ABCA13: variants seen among roughly 807,000 people sequenced by gnomAD.
ABCA13 encodes the protein ATP binding cassette subfamily A member 13.
In ABCA13, 476 loss-of-function variants were observed where a neutral mutation model predicts 478.7. The observed-to-expected ratio is 0.99, with a 90% confidence interval of 0.92 to 1.07. ABCA13 has a LOEUF of 1.07. Among genes scored for constraint, ABCA13 ranks in the 50% least tolerant of loss-of-function variants. The pLI, the probability that ABCA13 is intolerant of heterozygous loss-of-function variation, is 0.00. For missense variants in ABCA13, 6,060 were observed against 5,910.6 expected (o/e 1.03, Z -0.83); for synonymous variants, 2,252 against 2,158.9 (o/e 1.04, Z -1.20).
At chr7:48,230,748 C>T (rs1348845224) in intron 7 of ABCA13, among the ~76,000 whole-genome samples, 1 of 146,412 alleles carries the variant, frequency 6.8e-6, no homozygotes, top group African/African-American at 2.4e-5. Context: ...TCCATCCATC[C>T]GTCCATCCAT....
intron 43 of ABCA13, among the ~76,000 whole-genome samples, chr7:48,456,911 T>C (rs1357300233): frequency 3.3e-5 from 5 of 152,140 alleles, no homozygotes; most frequent in African/African-American, 1.2e-4. Flanking sequence ...CTATTAGAAT[T>C]TTGGGGGGCA....
chr7:48,530,316 G>GTA (rs1310480114), intron 55 of ABCA13, among the ~76,000 whole-genome samples: 1 of 150,678 alleles, frequency 6.6e-6, no homozygotes, highest in East Asian at 1.9e-4. Context: ...GTATATATAT[G>GTA]TATATATATA....
intron 46 of ABCA13, among the ~76,000 whole-genome samples, chr7:48,482,387 T>A (rs966173644): frequency 3.6e-5 from 2 of 55,982 alleles, no homozygotes; most frequent in Non-Finnish European, 8.0e-5. Flanking sequence ...ATTAAGAAAT[T>A]TTTTTTTTTT....
chr7:48,280,422 A>G (rs192543569), intron 18 of ABCA13, among the ~76,000 whole-genome samples: 22 of 152,260 alleles, frequency 1.4e-4, no homozygotes, highest in East Asian at 1.9e-4. Flanking sequence ...AAGCCCTCCT[A>G]TCGCTGAAAG....
At chr7:48,442,414 A>G (rs937878448) in intron 42 of ABCA13, among the ~76,000 whole-genome samples, 2 of 152,172 alleles carry the variant, frequency 1.3e-5, no homozygotes, top group African/African-American at 4.8e-5. Flanking sequence ...ATCCAGGCAC[A>G]ATGCCTATAT....
At chr7:48,493,175 T>C (rs1449405436) in intron 48 of ABCA13, among the ~76,000 whole-genome samples, 3 of 152,200 alleles carry the variant, frequency 2.0e-5, no homozygotes, top group Non-Finnish European at 1.5e-5. Flanking sequence ...ATACTACTGA[T>C]GTTTGTGTTT....
intron 3 of ABCA13, among the ~76,000 whole-genome samples, chr7:48,206,955 A>G (rs1458493170): frequency 1.3e-5 from 2 of 151,902 alleles, no homozygotes; most frequent in African/African-American, 4.8e-5. Context: ...TCCCCTCTAT[A>G]TCTCCCACCT....
At chr7:48,371,818 A>G (rs1812676253) in intron 32 of ABCA13, among the ~76,000 whole-genome samples, 1 of 152,146 alleles carries the variant, frequency 6.6e-6, no homozygotes, top group African/African-American at 2.4e-5. Context: ...AGAACTTCCA[A>G]TACAGTGTTG....
chr7:48,502,495 CT>C (rs1279144968), intron 48 of ABCA13, among the ~76,000 whole-genome samples: 1 of 152,180 alleles, frequency 6.6e-6, no homozygotes, highest in East Asian at 1.9e-4. Flanking sequence ...CAGCAGTGTT[CT>C]TTTGGCAGCT....
At chr7:48,232,661 C>T (rs1789326140) in intron 7 of ABCA13, among the ~76,000 whole-genome samples, 1 of 152,148 alleles carries the variant, frequency 6.6e-6, no homozygotes, top group Non-Finnish European at 1.5e-5. Context: ...ATTCTGAATT[C>T]TCTGTTGTTT....
intron 46 of ABCA13, 95 bp downstream of exon 46, chr7:48,481,249 T>A: frequency 1.0e-6 from 1 of 997,702 alleles, no homozygotes; most frequent in Non-Finnish European, 1.5e-6. Flanking sequence ...GTCAAAAATC[T>A]AAGACTGACC....
At chr7:48,612,069 G>C (rs1343184359) in intron 58 of ABCA13, 3 of 152,158 alleles carry the variant, frequency 2.0e-5, no homozygotes, top group African/African-American at 7.2e-5. Context: ...TCAGTGGGCT[G>C]TGCATCATCA....
chr7:48,605,541 C>T (rs191093687), intron 58 of ABCA13, among the ~76,000 whole-genome samples: 15 of 152,274 alleles, frequency 9.9e-5, no homozygotes, highest in African/African-American at 2.9e-4. Context: ...ATATTGTCCC[C>T]CATTCTCCTC....
chr7:48,210,174 G>T (rs1785439785), intron 3 of ABCA13, among the ~76,000 whole-genome samples: 1 of 152,148 alleles, frequency 6.6e-6, no homozygotes, highest in Non-Finnish European at 1.5e-5. Context: ...AATCATGGTG[G>T]AAGGGGAAGC....
At chr7:48,607,524 T>A (rs187973493) in intron 58 of ABCA13, among the ~76,000 whole-genome samples, 3 of 152,332 alleles carry the variant, frequency 2.0e-5, no homozygotes, top group East Asian at 3.9e-4. Flanking sequence ...TTCTTTAAAC[T>A]TGGTTTTCGT....
chr7:48,342,880 A>C (rs918370547), intron 29 of ABCA13, among the ~76,000 whole-genome samples: 5 of 152,090 alleles, frequency 3.3e-5, no homozygotes, highest in African/African-American at 1.2e-4. Flanking sequence ...GAAGTTCTTC[A>C]TTTCAGTTGT....
intron 51 of ABCA13, among the ~76,000 whole-genome samples, chr7:48,512,262 T>G (rs766648517): frequency 5.4e-4 from 83 of 152,320 alleles, no homozygotes; most frequent in Non-Finnish European, 1.1e-3. Context: ...CTCAGTTTTT[T>G]CTTTGTAAAA....
At chr7:48,404,493 T>G (rs1818010112) in intron 39 of ABCA13, 1 of 160,936 alleles carries the variant, frequency 6.2e-6, no homozygotes, top group South Asian at 1.7e-4. Context: ...GTAAAACACA[T>G]CTTGGTGCTG....
chr7:48,509,666 A>T (rs1218535792), intron 50 of ABCA13, among the ~76,000 whole-genome samples: 1 of 152,050 alleles, frequency 6.6e-6, no homozygotes, highest in Non-Finnish European at 1.5e-5. Flanking sequence ...TGCTTATTCT[A>T]TTCAATCACT....
Sources: allele counts gnomAD v4.1 joint callset (sites outside exome capture counted in the v4.1 genomes callset), GRCh38; gene constraint gnomAD v4.1.1; transcripts MANE v1.5; gene names NCBI Gene and HGNC (gene_info 2026-07-23, HGNC 2026-07-21).